PLIN1: variants seen among roughly 807,000 people sequenced by gnomAD.
PLIN1 encodes perilipin 1.
Under a neutral mutation model 45.8 loss-of-function variants are expected in PLIN1, and 37 were observed. That is an observed-to-expected ratio of 0.81 (90% CI 0.62 to 1.06). The LOEUF (loss-of-function observed/expected upper bound fraction) is 1.06, where lower values mean the gene tolerates loss of function less well. PLIN1 is among the 50% of genes least tolerant of loss of function. The pLI, the probability that PLIN1 is intolerant of heterozygous loss-of-function variation, is 0.00. For synonymous variants in PLIN1, 340 were observed against 309.2 expected (o/e 1.10, Z -1.05); for missense variants, 776 against 716.5 (o/e 1.08, Z -0.95).
In PLIN1 at chr15:89,670,366, C is replaced by A; in HGVS notation, c.334-122G>T. 3.1e-6 allele frequency: 3 copies of A among 980,634 alleles called. No individual in the cohort carries two copies. The South Asian group carries it at 5.0e-5, about 16-fold the overall frequency. 60.7% of individuals were successfully genotyped at this position (980,634 alleles called of 1,614,324 possible). A position where few individuals can be genotyped will look rare whatever the true frequency, so the allele number is the denominator to read the frequency against. On this transcript the variant is annotated intron_variant, in intron 4 of 8. Coordinates refer to ENST00000300055, the MANE Select transcript of PLIN1 (RefSeq NM_002666.5). ...AGGCATCACCTAAAGGCCCAGGGAACTGGTACTGATATTTAGGTACCTGGA... is the reference window on the plus strand; with the variant it reads ...AGGCATCACCTAAAGGCCCAGGGAAATGGTACTGATATTTAGGTACCTGGA...
chr15:89,667,406 G>A lies in PLIN1; in HGVS notation c.963+196C>T, dbSNP rs560426819. On this transcript the variant is annotated intron_variant, in intron 7 of 8. Coordinates refer to ENST00000300055, the MANE Select transcript of PLIN1 (RefSeq NM_002666.5). ...ATAATCTCTGCCCTGCCTATTTACA[G>A]AGTGTTGCAAGGGTCAGCTGAGAGA... Among the ~76,000 whole-genome samples, 2 of 152,354 alleles carry A rather than the reference G, an allele frequency of 1.3e-5. 1 individual carries two copies. The highest frequency in any genetic ancestry group is 4.1e-4 in the South Asian group (2 of 4,832).
At chr15:89,671,356 G>T in intron 4 of PLIN1, 126 bp downstream of exon 4, 1 of 715,212 alleles carries the variant, frequency 1.4e-6, no homozygotes. Context: ...CTCTCCGCCA[G>T]CCTTGGAGGG....
At chr15:89,666,746 C>T (rs1964346604) in intron 8 of PLIN1, among the ~76,000 whole-genome samples, 190 bp downstream of exon 8, 1 of 151,792 alleles carries the variant, frequency 6.6e-6, no homozygotes, top group Non-Finnish European at 1.5e-5. Context: ...CCATGGGCCT[C>T]TATACTCCTG....
At chr15:89,667,533 A>C in intron 7 of PLIN1, 69 bp downstream of exon 7, 1 of 1,612,720 alleles carries the variant, frequency 6.2e-7, no homozygotes, top group Non-Finnish European at 8.5e-7. Context: ...CCCTGAGTTC[A>C]CCCTATGCCT....
chr15:89,672,887 G>A (rs1964460370), intron 3 of PLIN1, among the ~76,000 whole-genome samples: 2 of 152,196 alleles, frequency 1.3e-5, no homozygotes, highest in African/African-American at 2.4e-5. Flanking sequence ...CCTGTGCTGC[G>A]ACAGTGAGTG....
At chr15:89,671,324 T>C (rs1964435816) in intron 4 of PLIN1, among the ~76,000 whole-genome samples, 158 bp downstream of exon 4, 2 of 152,192 alleles carry the variant, frequency 1.3e-5, no homozygotes, top group South Asian at 4.1e-4. Flanking sequence ...AGGAGCCTGT[T>C]GTGTGGCCTT....
chr15:89,666,660 G>T (rs1421096469), intron 8 of PLIN1, among the ~76,000 whole-genome samples: 1 of 152,142 alleles, frequency 6.6e-6, no homozygotes, highest in Non-Finnish European at 1.5e-5. Context: ...TGAGCCACTG[G>T]GATCCTGGGA....
intron 2 of PLIN1, among the ~76,000 whole-genome samples, 167 bp from the exon 3 acceptor site, chr15:89,673,581 G>C (rs890500463): frequency 1.3e-5 from 2 of 152,164 alleles, no homozygotes; most frequent in Non-Finnish European, 2.9e-5. Context: ...GGGAGCGTGG[G>C]AGAGCCCATG....
chr15:89,676,361 C>T lies in PLIN1; in HGVS notation c.45+1084G>A, dbSNP rs533308399. On this transcript the variant is annotated intron_variant, in intron 2 of 8. Coordinates refer to ENST00000300055, the MANE Select transcript of PLIN1 (RefSeq NM_002666.5). ...CTCCTGGGTTCATGCCATTCTCCTG[C>T]CTCAGTCTCCCAAGTAGCTGGGACT... 2.0e-5 allele frequency among the ~76,000 whole-genome samples: 3 copies of T among 152,310 alleles called. No homozygotes were observed. In the South Asian group the frequency reaches 6.2e-4, roughly 32 times the overall value.
At chr15:89,666,540 T>C (rs1964343552) in intron 8 of PLIN1, among the ~76,000 whole-genome samples, 1 of 152,160 alleles carries the variant, frequency 6.6e-6, no homozygotes, top group Admixed American at 6.5e-5. Flanking sequence ...TGCTGTCCCC[T>C]GGAACTCATG....
At chr15:89,667,843 C>T in intron 6 of PLIN1, 50 bp from the exon 7 acceptor site, 3 of 1,538,854 alleles carry the variant, frequency 1.9e-6, no homozygotes, top group South Asian at 1.2e-5. Context: ...CTGCTGAAGG[C>T]CAGGGAGCCC....
At chr15:89,667,353 TCTGTTTCTTCTC>T (rs1170286751) in intron 7 of PLIN1, among the ~76,000 whole-genome samples, 172 bp from the exon 8 acceptor site, 2 of 152,226 alleles carry the variant, frequency 1.3e-5, no homozygotes, top group Non-Finnish European at 2.9e-5. Flanking sequence ...TCTCTGAACC[TCTGTTTCTTCTC>T]CTGCAAAATG....
At position 89,671,565 on chromosome 15, in the gene PLIN1, C is replaced by T. The variant is rs112105500; in HGVS notation, c.251-1G>A. On this transcript the variant is annotated splice_acceptor_variant, in intron 3 of 8. Coordinates refer to ENST00000300055, the MANE Select transcript of PLIN1 (RefSeq NM_002666.5). LOFTEE classifies it high-confidence loss of function. ...CAGGCCAGCTCATTGGCAGCTGTGA[C>T]TGGAAGGAAAGGGCCAAGTTTGGGT... 6.4e-7 allele frequency: 1 copy of T among 1,561,398 alleles called. No homozygotes were observed. The highest frequency in any genetic ancestry group is 1.9e-5 in the Admixed American group (1 of 52,278).
In PLIN1 at chr15:89,670,264, G is replaced by A. The variant is rs1214251488; in HGVS notation, c.334-20C>T. On this transcript the variant is annotated intron_variant, in intron 4 of 8. Coordinates refer to ENST00000300055, the MANE Select transcript of PLIN1 (RefSeq NM_002666.5). ...AGCAATCTGGGGGAAGTTGGTGGGG[G>A]TGTTAGGCATGTGGTCTTGCAGGCC... The A allele has an allele frequency of 1.2e-6, 2 of 1,606,140 alleles. No homozygotes were observed. The highest frequency in any genetic ancestry group is 1.7e-6 in the Non-Finnish European group (2 of 1,174,938).
chr15:89,667,212 G>A, intron 7 of PLIN1, 31 bp from the exon 8 acceptor site: 3 of 1,611,466 alleles, frequency 1.9e-6, no homozygotes, highest in Non-Finnish European at 2.5e-6. Flanking sequence ...AGTGCCTCCT[G>A]TGGTAACTCC....
At chr15:89,669,311 CT>C (rs1466680979) in intron 6 of PLIN1, among the ~76,000 whole-genome samples, 188 bp downstream of exon 6, 1 of 152,204 alleles carries the variant, frequency 6.6e-6, no homozygotes, top group Non-Finnish European at 1.5e-5. Context: ...TCTCCCTTCT[CT>C]TTCCCTGTGG....
At position 89,667,592 on chromosome 15, in the gene PLIN1, TC is replaced by T; in HGVS notation, c.963+9del. ...CTGGGGGACCTTGAGGCTCCCACTCTCCCCCTCACCTCACTGAACTTGTTCT... is the reference window on the plus strand; with the variant it reads ...CTGGGGGACCTTGAGGCTCCCACTCTCCCCTCACCTCACTGAACTTGTTCT... On this transcript the variant is annotated intron_variant, in intron 7 of 8. Coordinates refer to ENST00000300055, the MANE Select transcript of PLIN1 (RefSeq NM_002666.5). 1 of 1,614,044 alleles carries T rather than the reference TC, an allele frequency of 6.2e-7. No individual in the cohort carries two copies. The highest frequency in any genetic ancestry group is 8.5e-7 in the Non-Finnish European group (1 of 1,179,908).
At chr15:89,675,002 GCTA>G (rs1964493970) in intron 2 of PLIN1, among the ~76,000 whole-genome samples, 2 of 152,126 alleles carry the variant, frequency 1.3e-5, no homozygotes, top group Non-Finnish European at 2.9e-5. Context: ...TGTGGTCCCG[GCTA>G]CTCGGGAACC....
At chr15:89,678,103 G>A (rs1291171968) in intron 1 of PLIN1, among the ~76,000 whole-genome samples, 1 of 151,692 alleles carries the variant, frequency 6.6e-6, no homozygotes, top group East Asian at 2.0e-4. Context: ...ATGTTGGCCA[G>A]GCTGGTCTCG....
Sources: gnomAD v4.1 joint callset for allele counts (sites outside exome capture counted in the v4.1 genomes callset) on GRCh38, gnomAD v4.1.1 for gene constraint, MANE v1.5 for transcripts, NCBI Gene and HGNC (gene_info 2026-07-23, HGNC 2026-07-21) for gene names.